Variants in ECT2 observed in about 807,000 individuals in gnomAD.
ECT2 encodes the protein epithelial cell transforming 2, also known as protein ECT2.
ECT2 carries 61 observed loss-of-function variants against 116.9 expected under a neutral mutation model. That is an observed-to-expected ratio of 0.52 (90% CI 0.42 to 0.65). The LOEUF (loss-of-function observed/expected upper bound fraction) is 0.65, where lower values mean the gene tolerates loss of function less well. Among genes scored for constraint, ECT2 ranks in the 30% least tolerant of loss-of-function variants. The pLI, the probability that ECT2 is intolerant of heterozygous loss-of-function variation, is 0.00. For synonymous variants in ECT2, 358 were observed against 346.4 expected, an observed-to-expected ratio of 1.03 and a Z score of -0.37; for missense variants, 937 against 1,078.7, an observed-to-expected ratio of 0.87 and a Z score of 1.84.
In ECT2 at chr3:172,811,389, A is replaced by G. The variant is rs78464093; in HGVS notation, c.2400+3465A>G. 3.6e-3 allele frequency among the ~76,000 whole-genome samples: 543 copies of G among 152,292 alleles called. 5 individuals are homozygous for G. The highest frequency in any genetic ancestry group is 0.012 in the African/African-American group (519 of 41,578). ...ATATTTGTATCTTAGCAAAAATAAT[A>G]TATTTTATTATATTCTTAGCCACTA... is the stretch of plus-strand genomic sequence containing the variant. On this transcript the variant is annotated intron_variant, in intron 22 of 24. Transcript: ENST00000392692.
intron 6 of ECT2, 57 bp downstream of exon 6, chr3:172,759,126 T>A: frequency 7.7e-7 from 1 of 1,298,652 alleles, no homozygotes; most frequent in East Asian, 2.4e-5. Context: ...AAATTAAAAT[T>A]GGCTTTTTTT....
At chr3:172,817,630 T>G (rs139538590) in intron 24 of ECT2, among the ~76,000 whole-genome samples, 1 of 152,144 alleles carries the variant, frequency 6.6e-6, no homozygotes, top group Non-Finnish European at 1.5e-5. Flanking sequence ...ATATTTAAAG[T>G]GTTTCCTGAA....
chr3:172,762,435 G>C lies in ECT2; in HGVS notation c.778G>C (p.Asp260His). The part of the protein sequence containing the change: ...RNEQDFYAAV[D>H]DFRNEFKVPP... ...TTTTAGGGATTTCTATGCAGCAGTTGATGACTTTAGAAATGAATTTAAAGT... is the reference window on the plus strand; with the variant it reads ...TTTTAGGGATTTCTATGCAGCAGTTCATGACTTTAGAAATGAATTTAAAGT... Residue 260 changes from aspartate (D) to histidine (H), a missense_variant, in exon 9 of 25, where the codon GAT becomes CAT. Transcript: ENST00000392692. 1 of 1,593,454 alleles carries C rather than the reference G, an allele frequency of 6.3e-7. No homozygotes were observed. Among genetic ancestry groups the C allele is most frequent in the Non-Finnish European group, 8.5e-7 (1 of 1,175,464 alleles).
At chr3:172,792,259 A>C (rs1432496385) in intron 18 of ECT2, among the ~76,000 whole-genome samples, 1 of 152,236 alleles carries the variant, frequency 6.6e-6, no homozygotes, top group Admixed American at 6.5e-5. Flanking sequence ...CGAAGTAAGC[A>C]TGTACTGTTA....
chr3:172,762,826 G>A lies in ECT2; in HGVS notation c.1005+20G>A, dbSNP rs1436807752. 1 of 1,609,550 alleles carries A rather than the reference G, an allele frequency of 6.2e-7. No homozygotes were observed. The highest frequency in any genetic ancestry group is 8.5e-7 in the Non-Finnish European group (1 of 1,178,236). ...CAAGAGGCAAGTAATTCTAGAATGA[G>A]GTTGGTTTTTAAAAACACTATTAAT... On this transcript the variant is annotated intron_variant, in intron 10 of 24. Coordinates refer to ENST00000392692, the MANE Select transcript of ECT2 (RefSeq NM_001258315.2).
At chr3:172,790,329 C>G (rs1724435516) in intron 18 of ECT2, among the ~76,000 whole-genome samples, 1 of 152,192 alleles carries the variant, frequency 6.6e-6, no homozygotes, top group South Asian at 2.1e-4. Flanking sequence ...TGGCCTGCCC[C>G]ACAACACAGC....
At chr3:172,801,656 TTC>T (rs1373697055) in intron 18 of ECT2, among the ~76,000 whole-genome samples, 3 of 152,222 alleles carry the variant, frequency 2.0e-5, no homozygotes, top group African/African-American at 7.2e-5. Context: ...CATTTGCTTC[TTC>T]TCTTAGGGAT....
intron 15 of ECT2, among the ~76,000 whole-genome samples, chr3:172,783,585 T>C (rs937810304): frequency 2.0e-5 from 3 of 152,154 alleles, no homozygotes; most frequent in African/African-American, 4.8e-5. Context: ...CTTCCTGTTT[T>C]AGACTATGTA....
In ECT2 at chr3:172,764,371, G is replaced by T; in HGVS notation, c.1162G>T (p.Ala388Ser). The T allele has an allele frequency of 6.2e-7, 1 of 1,614,080 alleles. No individual in the cohort carries two copies. The highest frequency in any genetic ancestry group is 8.5e-7 in the Non-Finnish European group (1 of 1,180,004). Residue 388 changes from alanine to serine, a missense_variant, in exon 12 of 25, where the codon GCT becomes TCT. Coordinates refer to ENST00000392692, the MANE Select transcript of ECT2 (RefSeq NM_001258315.2). ...ACGACGTCGTTTAAAAGAAACACTT[G>T]CTCAGCTTTCAAGAGAGACAGACGT... is the stretch of plus-strand genomic sequence containing the variant. ...RKRRRLKETL[A>S]QLSRETDVSP...
Position 172,762,941 on chromosome 3 carries a change from G to A in ECT2, c.1037G>A (p.Arg346Gln), listed in dbSNP as rs780284987. 1.9e-6 allele frequency: 3 copies of A among 1,613,756 alleles called. No individual in the cohort carries two copies. The highest frequency in any genetic ancestry group is 1.7e-6 in the Non-Finnish European group (2 of 1,179,794). Residue 346 changes from arginine (R) to glutamine (Q), a missense_variant, in exon 11 of 25, where the codon CGA becomes CAA. Arg to Gln is a conservative substitution (Grantham distance 43). Coordinates refer to ENST00000392692, the MANE Select transcript of ECT2 (RefSeq NM_001258315.2). The stretch of plus-strand genomic sequence containing the variant: ...TGGGGAAGCATTCAAATGGATGCCC[G>A]AGCTGGAGAAACTATGTATTTATAT... ...WFWGSIQMDARAGETMYLYEK... is the reference protein window; with the variant it reads ...WFWGSIQMDAQAGETMYLYEK...
intron 1 of ECT2, chr3:172,751,242 C>T (rs1715726692): frequency 6.6e-6 from 1 of 152,274 alleles, no homozygotes; most frequent in Non-Finnish European, 1.5e-5. Flanking sequence ...TTCTAGGATT[C>T]ATCCTGGCTT....
chr3:172,793,225 G>A (rs1724994156), intron 18 of ECT2, among the ~76,000 whole-genome samples: 1 of 152,056 alleles, frequency 6.6e-6, no homozygotes, highest in Admixed American at 6.6e-5. Context: ...CAGTGCAGTA[G>A]TGCGATCTCG....
In ECT2 at chr3:172,815,708, A is replaced by G. The variant is rs1485528972; in HGVS notation, c.2505A>G (p.Lys835=). 2.5e-6 allele frequency: 4 copies of G among 1,580,678 alleles called. No homozygotes were observed. The highest frequency in any genetic ancestry group is 1.4e-5 in the African/African-American group (1 of 73,702). ...CAAGAGCAATAAAAAAGACTTCAAA[A>G]AAGGTGAGTTTTAGTGAAAGTATTA... ...RASRAIKKTS[K]KVTRAFSFSK... Residue 835 remains lysine, a synonymous_variant, in exon 23 of 25, where the codon AAA becomes AAG. Transcript: ENST00000392692.
chr3:172,758,755 T>A (rs1231367334), intron 5 of ECT2, among the ~76,000 whole-genome samples: 1 of 152,222 alleles, frequency 6.6e-6, no homozygotes, highest in Non-Finnish European at 1.5e-5. Flanking sequence ...GTGTTTAGAT[T>A]ATGTATATTG....
intron 15 of ECT2, 75 bp downstream of exon 15, chr3:172,782,306 T>C: frequency 1.2e-6 from 1 of 810,050 alleles, no homozygotes; most frequent in Non-Finnish European, 1.9e-6. Flanking sequence ...GAGTGTAATT[T>C]GCCTATTTAA....
At chr3:172,775,362 A>G (rs1027342789) in intron 14 of ECT2, among the ~76,000 whole-genome samples, 3 of 152,198 alleles carry the variant, frequency 2.0e-5, no homozygotes, top group African/African-American at 4.8e-5. Flanking sequence ...TCTATAAATT[A>G]TTTAAAATGA....
At chr3:172,761,569 T>G in intron 7 of ECT2, 41 bp from the exon 8 acceptor site, 1 of 1,406,310 alleles carries the variant, frequency 7.1e-7, no homozygotes, top group Non-Finnish European at 1.0e-6. Flanking sequence ...TTGAATGCAG[T>G]TATTTAAGGA....
intron 14 of ECT2, among the ~76,000 whole-genome samples, chr3:172,777,502 G>C (rs949610160): frequency 2.0e-5 from 3 of 152,144 alleles, no homozygotes; most frequent in African/African-American, 7.2e-5. Flanking sequence ...CTGATGTTTT[G>C]AGTAAGATGA....
intron 18 of ECT2, among the ~76,000 whole-genome samples, chr3:172,790,215 T>G (rs976289478): frequency 5.3e-5 from 8 of 152,202 alleles, no homozygotes; most frequent in African/African-American, 1.9e-4. Flanking sequence ...GTGAATCCTT[T>G]CCAGTAGGTT....
Sources: allele counts gnomAD v4.1 joint callset (sites outside exome capture counted in the v4.1 genomes callset), GRCh38; gene constraint gnomAD v4.1.1; transcripts MANE v1.5; gene names NCBI Gene and HGNC (gene_info 2026-07-23, HGNC 2026-07-21).